Variants in HHAT observed in about 807,000 individuals in gnomAD.
HHAT encodes hedgehog acyltransferase, also known as protein-cysteine N-palmitoyltransferase HHAT.
In HHAT, 47 loss-of-function variants were observed where a neutral mutation model predicts 70.8. The ratio of observed to expected loss-of-function variants is 0.66; its 90% CI spans 0.53 to 0.85. The LOEUF is 0.85. Ranked by LOEUF, HHAT falls within the 40% of genes least tolerant of loss-of-function variation. The pLI is 0.00. For missense variants in HHAT, 609 were observed against 604.8 expected (o/e 1.01, Z -0.07); for synonymous variants, 228 against 247.6 (o/e 0.92, Z 0.74).
intron 8 of HHAT, among the ~76,000 whole-genome samples, chr1:210,494,867 A>T (rs980183049): frequency 6.6e-6 from 1 of 152,004 alleles, no homozygotes; most frequent in African/African-American, 2.4e-5. Flanking sequence ...TTGCTTTTTG[A>T]CATCCGAGTA....
intron 8 of HHAT, among the ~76,000 whole-genome samples, chr1:210,489,214 T>C (rs1023276631): frequency 6.6e-6 from 1 of 152,206 alleles, no homozygotes; most frequent in Non-Finnish European, 1.5e-5. Flanking sequence ...TGCTGATTTG[T>C]AAAATATTGT....
chr1:210,607,353 G>GT (rs1665686832), intron 10 of HHAT, among the ~76,000 whole-genome samples: 1 of 133,106 alleles, frequency 7.5e-6, no homozygotes, highest in African/African-American at 2.6e-5. Flanking sequence ...AATGAGTCTT[G>GT]TGAAGGCATC....
At chr1:210,329,361 A>G (rs1378475290) in intron 1 of HHAT, 17 of 1,186,340 alleles carry the variant, frequency 1.4e-5, no homozygotes, top group Middle Eastern at 3.3e-4. Flanking sequence ...GGCCCTGCCC[A>G]CGTCCTCTCT....
At chr1:210,439,406 C>T (rs1421302551) in intron 7 of HHAT, among the ~76,000 whole-genome samples, 1 of 151,782 alleles carries the variant, frequency 6.6e-6, no homozygotes, top group Non-Finnish European at 1.5e-5. Flanking sequence ...GCTGTGGTGT[C>T]TGGGTTTCCA....
At chr1:210,577,119 C>A (rs574186248) in intron 9 of HHAT, among the ~76,000 whole-genome samples, 11 of 150,788 alleles carry the variant, frequency 7.3e-5, no homozygotes, top group African/African-American at 2.7e-4. Flanking sequence ...AAGATCATGT[C>A]ATCTATAAAC....
At chr1:210,329,255 T>C in intron 1 of HHAT, 151 bp downstream of exon 1, 1 of 1,195,360 alleles carries the variant, frequency 8.4e-7, no homozygotes, top group Non-Finnish European at 1.0e-6. Context: ...CAGAGGAAGT[T>C]CCCGGTCGGG....
intron 9 of HHAT, among the ~76,000 whole-genome samples, chr1:210,553,905 G>T (rs563925113): frequency 7.9e-4 from 120 of 152,224 alleles, no homozygotes; most frequent in Non-Finnish European, 1.3e-3. Context: ...CCTGCCTGGG[G>T]CTGACATATT....
intron 9 of HHAT, among the ~76,000 whole-genome samples, chr1:210,528,450 T>A (rs904900438): frequency 1.3e-5 from 2 of 152,206 alleles, no homozygotes; most frequent in African/African-American, 4.8e-5. Context: ...CAAAGTCAGT[T>A]TTAGGTGCTA....
At chr1:210,512,599 G>A (rs1383279995) in intron 8 of HHAT, among the ~76,000 whole-genome samples, 3 of 151,604 alleles carry the variant, frequency 2.0e-5, no homozygotes, top group Non-Finnish European at 4.4e-5. Context: ...TTTAACCCAG[G>A]GGGTTGAGGC....
At chr1:210,336,776 C>T (rs893724620) in intron 1 of HHAT, among the ~76,000 whole-genome samples, 2 of 151,940 alleles carry the variant, frequency 1.3e-5, no homozygotes, top group East Asian at 1.9e-4. Context: ...GAGTGAGACC[C>T]TGTTTAAGAA....
chr1:210,630,619 C>A (rs1573867857), intron 11 of HHAT, among the ~76,000 whole-genome samples: 1 of 152,188 alleles, frequency 6.6e-6, no homozygotes, highest in East Asian at 1.9e-4. Context: ...CCCTGCTTTT[C>A]CTTTGGGAAC....
At chr1:210,363,847 G>A (rs896338199) in intron 3 of HHAT, among the ~76,000 whole-genome samples, 2 of 152,096 alleles carry the variant, frequency 1.3e-5, no homozygotes, top group Non-Finnish European at 2.9e-5. Flanking sequence ...GGCTGGCTTG[G>A]GACATAAAAG....
At chr1:210,510,759 A>G (rs969758825) in intron 8 of HHAT, among the ~76,000 whole-genome samples, 1 of 152,210 alleles carries the variant, frequency 6.6e-6, no homozygotes, top group African/African-American at 2.4e-5. Context: ...TGAGCACAAA[A>G]CATAGTACTT....
At chr1:210,507,608 C>T (rs1274631890) in intron 8 of HHAT, among the ~76,000 whole-genome samples, 1 of 151,956 alleles carries the variant, frequency 6.6e-6, no homozygotes, top group African/African-American at 2.4e-5. Context: ...ATCTACCTGC[C>T]TTGGCCTCCC....
intron 9 of HHAT, among the ~76,000 whole-genome samples, chr1:210,572,261 G>T (rs776265631): frequency 6.6e-6 from 1 of 152,152 alleles, no homozygotes; most frequent in Non-Finnish European, 1.5e-5. Context: ...GTCAGAGTGC[G>T]GATTTCAGTC....
chr1:210,429,256 G>A (rs1282315465), intron 7 of HHAT, among the ~76,000 whole-genome samples: 1 of 151,618 alleles, frequency 6.6e-6, no homozygotes. Flanking sequence ...TATCACACTT[G>A]ATAATAGTAC....
At chr1:210,603,182 G>A (rs945393433) in intron 10 of HHAT, among the ~76,000 whole-genome samples, 19 of 152,068 alleles carry the variant, frequency 1.2e-4, no homozygotes, top group Admixed American at 5.2e-4. Flanking sequence ...CTGCTATCAT[G>A]GCATTCTTAT....
chr1:210,635,120 T>C (rs1671630097), intron 11 of HHAT, among the ~76,000 whole-genome samples: 1 of 152,188 alleles, frequency 6.6e-6, no homozygotes, highest in South Asian at 2.1e-4. Flanking sequence ...TTTTGTCTTC[T>C]GGGTGAGAAA....
At chr1:210,445,884 T>C (rs2093624830) in intron 7 of HHAT, among the ~76,000 whole-genome samples, 1 of 152,186 alleles carries the variant, frequency 6.6e-6, no homozygotes, top group Admixed American at 6.5e-5. Flanking sequence ...GCTCTTTTTT[T>C]TTTTTAATTC....
Sources: gnomAD v4.1 joint callset for allele counts (sites outside exome capture counted in the v4.1 genomes callset) on GRCh38, gnomAD v4.1.1 for gene constraint, MANE v1.5 for transcripts, NCBI Gene and HGNC (gene_info 2026-07-23, HGNC 2026-07-21) for gene names.